DMD: variants seen among roughly 807,000 people sequenced by gnomAD.
The protein encoded by DMD is mutant dystrophin.
In DMD, 63 loss-of-function variants were observed where a neutral mutation model predicts 330.1. The ratio of observed to expected loss-of-function variants is 0.19; its 90% CI spans 0.16 to 0.24. DMD has a LOEUF of 0.24. DMD is among the 10% of genes least tolerant of loss of function. The pLI is 1.00. For missense variants in DMD, 3,344 were observed against 2,684.1 expected, an observed-to-expected ratio of 1.25 and a Z score of -5.43; for synonymous variants, 1,223 against 959.8, an observed-to-expected ratio of 1.27 and a Z score of -5.07.
At chrX:32,980,421 G>A (rs1392894649) in intron 2 of DMD, among the ~76,000 whole-genome samples, 2 of 104,476 alleles carry the variant, frequency 1.9e-5, no homozygotes, top group African/African-American at 7.0e-5. Context: ...AGGGTATTAG[G>A]AAGAATATAT....
intron 50 of DMD, among the ~76,000 whole-genome samples, chrX:31,810,966 T>C (rs1479140298): frequency 8.9e-6 from 1 of 111,819 alleles, no homozygotes; most frequent in Admixed American, 9.5e-5. Flanking sequence ...TAATTAACAT[T>C]TTATTTCTGT....
In DMD at chrX:33,266,471, G is replaced by A. The variant is rs756584030; in HGVS notation, c.7+72788C>T. Among the ~76,000 whole-genome samples, 16 of 111,440 alleles carry A rather than the reference G, an allele frequency of 1.4e-4. No individual in the cohort carries two copies. The East Asian group carries it at 4.2e-3, about 29-fold the overall frequency. Reference sequence around the variant, plus strand: ...CATTGAGTACAGCGTTCAATACCTCGTCAAATAGGAGTTAAAGATTTAGTG... The same window carrying A: ...CATTGAGTACAGCGTTCAATACCTCATCAAATAGGAGTTAAAGATTTAGTG... On this transcript the variant is annotated intron_variant, in intron 1 of 17. Transcript: ENST00000288447.
chrX:32,513,097 T>C (rs2045507762), intron 18 of DMD, among the ~76,000 whole-genome samples: 1 of 112,081 alleles, frequency 8.9e-6, no homozygotes, highest in African/African-American at 3.3e-5. Context: ...TACAAAGTGG[T>C]CTTGCTTTTA....
chrX:31,308,954 C>A (rs1462019921), intron 62 of DMD, among the ~76,000 whole-genome samples: 2 of 110,949 alleles, frequency 1.8e-5, no homozygotes, highest in Non-Finnish European at 3.8e-5. Flanking sequence ...GTCTTGAACT[C>A]CTGACCTCAG....
intron 16 of DMD, among the ~76,000 whole-genome samples, chrX:32,565,467 C>T (rs1487804860): frequency 9.0e-6 from 1 of 111,553 alleles, no homozygotes; most frequent in Non-Finnish European, 1.9e-5. Flanking sequence ...TTCCCCGTTA[C>T]TATTGGGCTG....
At chrX:32,816,699 A>T in intron 5 of DMD, 59 bp from the exon 6 acceptor site, 1 of 1,096,439 alleles carries the variant, frequency 9.1e-7, no homozygotes, top group Non-Finnish European at 1.3e-6. Context: ...AACCATGCAA[A>T]CTTAAATATG....
At chrX:32,285,824 C>T (rs959392552) in intron 43 of DMD, among the ~76,000 whole-genome samples, 1 of 111,045 alleles carries the variant, frequency 9.0e-6, no homozygotes, top group Non-Finnish European at 1.9e-5. Context: ...CTCAGCCTCC[C>T]GAGTAGCTGG....
In DMD at chrX:32,366,703, C is replaced by T. The variant is rs185190691; in HGVS notation, c.4846-1504G>A. On this transcript the variant is annotated intron_variant, in intron 34 of 78. Coordinates refer to ENST00000357033, the MANE Select transcript of DMD (RefSeq NM_004006.3). ...TAGTCCTGTGGCTGTCTTTCTGCCACGCCATAAGGTCCTGGTCCACTCGAA... is the reference window on the plus strand; with the variant it reads ...TAGTCCTGTGGCTGTCTTTCTGCCATGCCATAAGGTCCTGGTCCACTCGAA... 6.1e-3 allele frequency among the ~76,000 whole-genome samples: 678 copies of T among 111,788 alleles called. 6 individuals carry two copies. The highest frequency in any genetic ancestry group is 0.021 in the African/African-American group (659 of 30,772).
chrX:32,904,606 G>A lies in DMD; in HGVS notation c.94-54786C>T, dbSNP rs377175683. On this transcript the variant is annotated intron_variant, in intron 2 of 78. Transcript: ENST00000357033. ...TTTCTTTTTTTGGAGATGGAGTCTC[G>A]CTCTGTCACCCAGGCTGGAGTGCAA... 1.1e-4 allele frequency among the ~76,000 whole-genome samples: 12 copies of A among 111,790 alleles called. No individual in the cohort carries two copies. The East Asian group carries it at 2.8e-3, about 26-fold the overall frequency.
At chrX:32,332,332 A>G (rs186373751) in intron 41 of DMD, among the ~76,000 whole-genome samples, 1 of 109,988 alleles carries the variant, frequency 9.1e-6, no homozygotes, top group East Asian at 2.9e-4. Flanking sequence ...AATACTCAAG[A>G]AGATAAAGAA....
intron 1 of DMD, among the ~76,000 whole-genome samples, chrX:33,109,729 C>G (rs1375597843): frequency 1.8e-5 from 2 of 110,969 alleles, no homozygotes; most frequent in Non-Finnish European, 3.8e-5. Context: ...TTTTTTTTCC[C>G]CTTACAGGTA....
At chrX:32,335,634 CATAT>C (rs1161805021) in intron 41 of DMD, among the ~76,000 whole-genome samples, 1 of 14,348 alleles carries the variant, frequency 7.0e-5, no homozygotes, top group Non-Finnish European at 1.5e-4. Flanking sequence ...ATATACATAA[CATAT>C]ACATAACATG....
Position 32,697,857 on chromosome X carries a change from A to T in DMD, c.960+13T>A, listed in dbSNP as rs2063770057. 5 of 1,208,461 alleles carry T rather than the reference A, an allele frequency of 4.1e-6. No individual in the cohort carries two copies. Among genetic ancestry groups the T allele is most frequent in the Non-Finnish European group, 5.6e-6 (5 of 894,555 alleles). ...TCTCTGGTTTGTACAACAGAGAGTA[A>T]ATGTTGACAGACCTGTGAAGGAAAT... On this transcript the variant is annotated intron_variant, in intron 9 of 78. Transcript: ENST00000357033.
At chrX:32,199,551 AAGGGGGAGGGGTG>A (rs1569550427) in intron 44 of DMD, among the ~76,000 whole-genome samples, 1 of 107,044 alleles carries the variant, frequency 9.3e-6, no homozygotes, top group African/African-American at 3.4e-5. Flanking sequence ...GAGGGGTGTG[AAGGGGGAGGGGTG>A]TGAAGGAGGA....
intron 42 of DMD, among the ~76,000 whole-genome samples, chrX:32,302,070 C>A (rs2097525438): frequency 9.0e-6 from 1 of 111,048 alleles, no homozygotes; most frequent in African/African-American, 3.3e-5. Context: ...TAAGTAACAA[C>A]TAGCCTCGGA....
At chrX:32,241,934 G>A in intron 43 of DMD, among the ~76,000 whole-genome samples, 1 of 111,149 alleles carries the variant, frequency 9.0e-6, no homozygotes, top group Non-Finnish European at 1.9e-5. Context: ...ATAGCCTTAA[G>A]TGGAAGCTCT....
chrX:33,276,922 A>T (rs967344663), intron 1 of DMD, among the ~76,000 whole-genome samples: 1 of 112,158 alleles, frequency 8.9e-6, no homozygotes, highest in Non-Finnish European at 1.9e-5. Context: ...ATATCAAAAG[A>T]ATTGACATTG....
chrX:32,996,257 T>C (rs989364048), intron 2 of DMD, among the ~76,000 whole-genome samples: 9 of 110,687 alleles, frequency 8.1e-5, no homozygotes, highest in Non-Finnish European at 1.5e-4. Flanking sequence ...AATAGACATT[T>C]TTGGATAAAA....
chrX:33,137,987 G>C (rs1180275187), intron 1 of DMD, among the ~76,000 whole-genome samples: 1 of 111,498 alleles, frequency 9.0e-6, no homozygotes, highest in Non-Finnish European at 1.9e-5. Flanking sequence ...ATTTTTATTT[G>C]TTAATTTTCT....
Sources: allele counts gnomAD v4.1 joint callset (sites outside exome capture counted in the v4.1 genomes callset), GRCh38; gene constraint gnomAD v4.1.1; transcripts MANE v1.5; gene names NCBI Gene and HGNC (gene_info 2026-07-23, HGNC 2026-07-21).